SPTBN2: variants seen among roughly 807,000 people sequenced by gnomAD.
SPTBN2 encodes the protein spectrin beta, non-erythrocytic 2, also known as spectrin beta chain, non-erythrocytic 2.
In SPTBN2, 107 loss-of-function variants were observed where a neutral mutation model predicts 284.2. That is an observed-to-expected ratio of 0.38 (90% CI 0.32 to 0.44). The LOEUF (loss-of-function observed/expected upper bound fraction) is 0.44, where lower values mean the gene tolerates loss of function less well. SPTBN2 is among the 20% of genes least tolerant of loss of function. The probability of loss-of-function intolerance (pLI) is 1.00; values close to 1 mark genes in which losing one functional copy is unlikely to be tolerated. For missense variants in SPTBN2, 2,569 were observed against 3,287.1 expected (o/e 0.78, Z 5.34); for synonymous variants, 1,289 against 1,354.8 (o/e 0.95, Z 1.07).
chr11:66,687,800 CG>C lies in SPTBN2; in HGVS notation c.6501+67del. 6.2e-7 allele frequency: 1 copy of C among 1,606,062 alleles called. No homozygotes were observed. The highest frequency in any genetic ancestry group is 8.5e-7 in the Non-Finnish European group (1 of 1,172,816). On this transcript the variant is annotated intron_variant, in intron 34 of 37. Transcript: ENST00000533211. This position sits in a 1 kb window ranked among gnomAD's most constrained non-coding sequence, Gnocchi z 5.2. ...ATCCCATCCCCAGTACTCCCCCACCCGCACTCACCACCCCCTCTGGACCCTT... is the reference window on the plus strand; with the variant it reads ...ATCCCATCCCCAGTACTCCCCCACCCCACTCACCACCCCCTCTGGACCCTT...
At chr11:66,688,580 C>G in intron 31 of SPTBN2, 73 bp downstream of exon 31, 1 of 1,587,894 alleles carries the variant, frequency 6.3e-7, no homozygotes. Context: ...GAAGACATGT[C>G]TTCTCCAAGC....
In SPTBN2 at chr11:66,705,386, T is replaced by G. The variant is rs757681089; in HGVS notation, c.1890A>C (p.Ala630=). The G allele has an allele frequency of 1.2e-6, 2 of 1,612,900 alleles. No homozygotes were observed. The highest frequency in any genetic ancestry group is 4.5e-5 in the East Asian group (2 of 44,870). ...CCTCCAGCCGGGCCCGCCGCGCCGCTGCCAACTCGCACAGTGCCTCATAGC... is the reference window on the plus strand; with the variant it reads ...CCTCCAGCCGGGCCCGCCGCGCCGCGGCCAACTCGCACAGTGCCTCATAGC... ...EQSYEALCEL[A]AARRARLEES... Residue 630 remains alanine (A), a synonymous_variant, in exon 15 of 38, where the codon GCA becomes GCC. Transcript: ENST00000533211.
chr11:66,694,333 T>C lies in SPTBN2; in HGVS notation c.4309A>G (p.Lys1437Glu). ...MLEWEMAVRE[K>E]EVEAIQAQAK... ...TGGGCCTGGATTGCCTCCACCTCCT[T>C]CTCTCTCACAGCCATCTCCCATTCC... The change falls in exon 22 of 38, where the codon AAG (lysine) becomes GAG (glutamate). Residue 1437 changes from lysine to glutamate, a missense_variant. This residue lies in a region of SPTBN2 where 49 missense variants were observed against 92.6 expected (regional missense o/e 0.53). Transcript: ENST00000533211. 1 of 1,614,100 alleles carries C rather than the reference T, an allele frequency of 6.2e-7. No homozygotes were observed. Among genetic ancestry groups the C allele is most frequent in the Non-Finnish European group, 8.5e-7 (1 of 1,179,990 alleles).
At position 66,705,062 on chromosome 11, in the gene SPTBN2, C is replaced by A; in HGVS notation, c.2214G>T (p.Glu738Asp). ...QWERLEALAEERAQRLAQAAS... is the reference protein window; with the variant it reads ...QWERLEALAEDRAQRLAQAAS... ...CGGCTTGGGCCAGCCGCTGGGCACGCTCCTCGGCCAGGGCCTCTAGCCGCT... is the reference window on the plus strand; with the variant it reads ...CGGCTTGGGCCAGCCGCTGGGCACGATCCTCGGCCAGGGCCTCTAGCCGCT... Residue 738 changes from glutamate (E) to aspartate (D), a missense_variant, in exon 15 of 38, where the codon GAG becomes GAT. By Grantham distance (45) the Glu-to-Asp change is conservative (BLOSUM62 2). Coordinates refer to ENST00000533211, the MANE Select transcript of SPTBN2 (RefSeq NM_006946.4). The A allele has an allele frequency of 1.3e-6, 2 of 1,592,646 alleles. No homozygotes were observed. The highest frequency in any genetic ancestry group is 1.7e-6 in the Non-Finnish European group (2 of 1,176,646).
chr11:66,706,680 A>G (rs1429218874), intron 13 of SPTBN2, among the ~76,000 whole-genome samples: 2 of 145,398 alleles, frequency 1.4e-5, no homozygotes, highest in African/African-American at 5.2e-5. Flanking sequence ...CCTAGGCTGG[A>G]GTGCAGTGGT....
chr11:66,687,303 C>T lies in SPTBN2; in HGVS notation c.6722+124G>A, dbSNP rs1211603460. 1 of 1,535,916 alleles carries T rather than the reference C, an allele frequency of 6.5e-7. No homozygotes were observed. Among genetic ancestry groups the T allele is most frequent in the Non-Finnish European group, 8.9e-7 (1 of 1,126,582 alleles). On this transcript the variant is annotated intron_variant, in intron 35 of 37. Transcript: ENST00000533211. This position sits in a 1 kb window ranked among gnomAD's most constrained non-coding sequence, Gnocchi z 5.2. ...CACACCCTCTGGTCCTCCCCTGAGG[C>T]CCCGCTCTGGTCCCAAGTCCTACCC... is the stretch of plus-strand genomic sequence containing the variant.
intron 21 of SPTBN2, 125 bp from the exon 22 acceptor site, chr11:66,694,488 G>A (rs1940786944): frequency 1.0e-6 from 1 of 963,522 alleles, no homozygotes; most frequent in African/African-American, 1.6e-5. Context: ...CCCAGGGAGA[G>A]CATCCCCTCA....
intron 1 of SPTBN2, among the ~76,000 whole-genome samples, chr11:66,727,125 C>T (rs1263276922): frequency 6.6e-6 from 1 of 152,210 alleles, no homozygotes; most frequent in Non-Finnish European, 1.5e-5. Context: ...CCCGGGGTCA[C>T]ATCAATTTCT....
Position 66,707,880 on chromosome 11 carries a change from C to T in SPTBN2, c.1351-62G>A. The stretch of plus-strand genomic sequence containing the variant: ...AGGGACAGTGCCTCTGCCTGCTCCT[C>T]TGTCCTGCAGGGCACTTGGCCTGCA... On this transcript the variant is annotated intron_variant, in intron 12 of 37. Coordinates refer to ENST00000533211, the MANE Select transcript of SPTBN2 (RefSeq NM_006946.4). The surrounding 1 kb of genome is among the most constrained non-coding windows in gnomAD (Gnocchi z 4.9). 2 of 1,584,992 alleles carry T rather than the reference C, an allele frequency of 1.3e-6. No homozygotes were observed.
chr11:66,743,395 T>C (rs531705900), intron 1 of SPTBN2, among the ~76,000 whole-genome samples: 1 of 152,310 alleles, frequency 6.6e-6, no homozygotes, highest in Non-Finnish European at 1.5e-5. Flanking sequence ...CTCTGCCAGC[T>C]CGCCAGCCTG....
At chr11:66,733,582 G>A (rs1942829735), upstream of SPTBN2, among the ~76,000 whole-genome samples, 1 of 152,188 alleles carries the variant, frequency 6.6e-6, no homozygotes, top group Non-Finnish European at 1.5e-5. Context: ...ATCAAGTGGA[G>A]ATATTGAGTA....
In SPTBN2 at chr11:66,690,133, TG is replaced by T. The variant is rs777218724; in HGVS notation, c.5715del (p.Asp1905GlufsTer15). 1 of 1,614,214 alleles carries T rather than the reference TG, an allele frequency of 6.2e-7. No individual in the cohort carries two copies. Among genetic ancestry groups the T allele is most frequent in the South Asian group, 1.1e-5 (1 of 91,080 alleles). ...TTGAAGAAGCGGAACTTGTCTGTGG[TG>T]TCCAGCAGCAGCTGCCGGCGGGCGG... ...SSAARRQLLL[D>X]TTDKFRFFKA... On this transcript the variant is annotated frameshift_variant, in exon 28 of 38. Transcript: ENST00000533211. LOFTEE classifies it high-confidence loss of function.
At chr11:66,740,403 T>C (rs541776189) in intron 1 of SPTBN2, among the ~76,000 whole-genome samples, 9 of 152,276 alleles carry the variant, frequency 5.9e-5, no homozygotes, top group African/African-American at 2.2e-4. Context: ...GTCAGCACCA[T>C]TATGGCCTCT....
Position 66,683,762 on chromosome 11 carries a change from T to A in SPTBN2, c.*2109A>T, listed in dbSNP as rs918726423. On this transcript the variant is annotated 3_prime_UTR_variant, in exon 38 of 38. Coordinates refer to ENST00000533211, the MANE Select transcript of SPTBN2 (RefSeq NM_006946.4). ...TAATTTCTCCATATACATTTCCTTC[T>A]GACATTTCCAATTATTGTTTCCCTT... Among the ~76,000 whole-genome samples the A allele has an allele frequency of 1.3e-5, 2 of 152,378 alleles. No individual in the cohort carries two copies. The highest frequency in any genetic ancestry group is 3.4e-3 in the Middle Eastern group (1 of 294).
intron 3 of SPTBN2, among the ~76,000 whole-genome samples, chr11:66,720,195 G>A (rs985789539): frequency 3.3e-5 from 5 of 152,082 alleles, no homozygotes; most frequent in African/African-American, 1.2e-4. Flanking sequence ...TTCTTCTAGT[G>A]GCCAACCCCC....
chr11:66,714,777 G>A (rs1420256094), intron 5 of SPTBN2, among the ~76,000 whole-genome samples: 3 of 152,204 alleles, frequency 2.0e-5, no homozygotes, highest in Non-Finnish European at 4.4e-5. Flanking sequence ...CAGGAACGCT[G>A]TGATGGCATG....
chr11:66,701,915 A>G (rs970512483), intron 15 of SPTBN2, among the ~76,000 whole-genome samples, 194 bp from the exon 16 acceptor site: 6 of 151,986 alleles, frequency 3.9e-5, no homozygotes, highest in African/African-American at 1.5e-4. Context: ...ACTCCCCCAA[A>G]ACAAGCAGAA....
intron 20 of SPTBN2, among the ~76,000 whole-genome samples, chr11:66,697,694 C>A (rs1440036815): frequency 1.3e-5 from 2 of 152,150 alleles, no homozygotes. Flanking sequence ...CCTTATTCCC[C>A]AGGCTTCAAC....
chr11:66,721,354 G>A lies in SPTBN2; in HGVS notation c.-27C>T. ...CCTTCTGTCTTCTTGCCCTACCTGT[G>A]CTCCGCTCTCCTTGTGGCCAGAGGC... is the stretch of plus-strand genomic sequence containing the variant. On this transcript the variant is annotated 5_prime_UTR_variant, in exon 2 of 38. Transcript: ENST00000533211. 7.1e-7 allele frequency: 1 copy of A among 1,409,684 alleles called. No homozygotes were observed. Among genetic ancestry groups the A allele is most frequent in the Non-Finnish European group, 1.0e-6 (1 of 1,002,576 alleles). The allele number at this position is 1,409,684 out of a possible 1,614,324, so 87.3% of individuals were successfully genotyped here. A position where few individuals can be genotyped will look rare whatever the true frequency, so the allele number is the denominator to read the frequency against.
Sources: allele counts gnomAD v4.1 joint callset (sites outside exome capture counted in the v4.1 genomes callset), GRCh38; gene constraint gnomAD v4.1.1; regional missense constraint gnomAD v4.1.1; non-coding constraint Gnocchi (gnomAD v3.1); transcripts MANE v1.5; gene names NCBI Gene and HGNC (gene_info 2026-07-23, HGNC 2026-07-21).